The following FOXK2 variants were observed in gnomAD, a reference collection of about 807,000 sequenced individuals.
FOXK2 encodes the protein forkhead box K2.
A neutral mutation model predicts 53.3 loss-of-function variants in FOXK2; 24 were observed. That is an observed-to-expected ratio of 0.45 (90% CI 0.33 to 0.63). The LOEUF is 0.63. FOXK2 is among the 30% of genes least tolerant of loss of function. FOXK2 has a pLI of 0.03. For missense variants in FOXK2, 952 were observed against 910.5 expected (o/e 1.05, Z -0.59); for synonymous variants, 505 against 407.1 (o/e 1.24, Z -2.89).
chr17:82,572,567 T>C (rs3736207), intron 4 of FOXK2, among the ~76,000 whole-genome samples: 25,875 of 152,034 alleles, frequency 0.17, 2,761 homozygotes, highest in East Asian at 0.39. Context: ...GTAGGTTTTT[T>C]CTCTGTGTAT....
intron 1 of FOXK2, among the ~76,000 whole-genome samples, chr17:82,527,530 G>A (rs1429414416): frequency 6.6e-6 from 1 of 152,082 alleles, no homozygotes; most frequent in East Asian, 2.0e-4. Context: ...TCAGGAGGCT[G>A]AGGCAGGATA....
At position 82,595,202 on chromosome 17, in the gene FOXK2, C is replaced by G. The variant is rs113040247; in HGVS notation, c.1787-6101C>G. On this transcript the variant is annotated intron_variant, in intron 8 of 8. Coordinates refer to ENST00000335255, the MANE Select transcript of FOXK2 (RefSeq NM_004514.4). The stretch of plus-strand genomic sequence containing the variant: ...TTGCTTGTTTCTCTAAGACTTTGTA[C>G]AGCTCTGTAAACAGATTCCCATTAG... 6.0e-3 allele frequency among the ~76,000 whole-genome samples: 918 copies of G among 152,312 alleles called. 8 individuals carry two copies. Among genetic ancestry groups the G allele is most frequent in the African/African-American group, 0.02 (826 of 41,558 alleles).
intron 1 of FOXK2, among the ~76,000 whole-genome samples, chr17:82,549,020 C>T (rs188213557): frequency 2.0e-5 from 3 of 152,308 alleles, no homozygotes; most frequent in East Asian, 1.9e-4. Flanking sequence ...AGAGGACCAG[C>T]GTGATAGTTT....
chr17:82,533,669 A>G (rs28794323), intron 1 of FOXK2, among the ~76,000 whole-genome samples: 90,584 of 151,866 alleles, frequency 0.6, 27,623 homozygotes, highest in South Asian at 0.79. Flanking sequence ...ATGACATCAC[A>G]ATGGCTAGGA....
chr17:82,587,584 G>A (rs373063158), intron 8 of FOXK2: 134 of 417,078 alleles, frequency 3.2e-4, no homozygotes, highest in East Asian at 1.2e-3. Flanking sequence ...GAGCCGCCGC[G>A]TGTCTTTTCC....
At chr17:82,539,648 A>T (rs1041269538) in intron 1 of FOXK2, among the ~76,000 whole-genome samples, 12 of 144,014 alleles carry the variant, frequency 8.3e-5, no homozygotes, top group Admixed American at 2.1e-4. Context: ...ACCTTGTTTT[A>T]AAAAAAAAAA....
At chr17:82,533,950 G>A (rs917837229) in intron 1 of FOXK2, among the ~76,000 whole-genome samples, 1 of 150,980 alleles carries the variant, frequency 6.6e-6, no homozygotes, top group Non-Finnish European at 1.5e-5. Context: ...AGGGAGCCGA[G>A]ATCACACCGG....
At chr17:82,539,581 C>CT (rs1377410572) in intron 1 of FOXK2, among the ~76,000 whole-genome samples, 1 of 151,872 alleles carries the variant, frequency 6.6e-6, no homozygotes, top group African/African-American at 2.4e-5. Context: ...CCCAGGAAGT[C>CT]AAGGCTGTAG....
intron 1 of FOXK2, among the ~76,000 whole-genome samples, chr17:82,540,031 A>G (rs185571363): frequency 6.6e-6 from 1 of 152,254 alleles, no homozygotes; most frequent in African/African-American, 2.4e-5. Flanking sequence ...CTGTAATCTC[A>G]GCACTTTGGG....
intron 1 of FOXK2, among the ~76,000 whole-genome samples, chr17:82,537,671 T>TTGCCAAC (rs1485493316): frequency 6.7e-6 from 1 of 149,328 alleles, no homozygotes; most frequent in Non-Finnish European, 1.5e-5. Flanking sequence ...TTATGCCTGT[T>TTGCCAAC]TGCCAACACT....
intron 1 of FOXK2, among the ~76,000 whole-genome samples, chr17:82,551,714 G>T (rs1037246126): frequency 1.3e-5 from 2 of 152,158 alleles, no homozygotes; most frequent in Admixed American, 1.3e-4. Context: ...ATTTGAGGCT[G>T]AGGTGATAGT....
At chr17:82,572,366 A>G (rs1160054135) in intron 4 of FOXK2, among the ~76,000 whole-genome samples, 2 of 152,238 alleles carry the variant, frequency 1.3e-5, no homozygotes, top group South Asian at 4.1e-4. Context: ...GGTAAAAAAC[A>G]GATGAACGTG....
chr17:82,552,758 G>C (rs2044688543), intron 1 of FOXK2, among the ~76,000 whole-genome samples: 1 of 152,064 alleles, frequency 6.6e-6, no homozygotes. Flanking sequence ...CTGGCTGTGA[G>C]CACTTGGCTG....
At chr17:82,527,387 G>C (rs988045921) in intron 1 of FOXK2, among the ~76,000 whole-genome samples, 1 of 152,124 alleles carries the variant, frequency 6.6e-6, no homozygotes, top group African/African-American at 2.4e-5. Flanking sequence ...CCAGCACTTT[G>C]GGAAGCCGAG....
chr17:82,529,776 C>A (rs1418015255), intron 1 of FOXK2, among the ~76,000 whole-genome samples: 1 of 152,208 alleles, frequency 6.6e-6, no homozygotes, highest in East Asian at 1.9e-4. Context: ...TGAAAGGACA[C>A]TCTCGGAATG....
chr17:82,538,452 T>C (rs2044542047), intron 1 of FOXK2, among the ~76,000 whole-genome samples: 2 of 152,178 alleles, frequency 1.3e-5, no homozygotes, highest in South Asian at 4.1e-4. Flanking sequence ...GCCGCTGCGC[T>C]CCAACCTGGG....
At chr17:82,535,956 G>C (rs555416795) in intron 1 of FOXK2, among the ~76,000 whole-genome samples, 67 of 152,010 alleles carry the variant, frequency 4.4e-4, no homozygotes, top group Non-Finnish European at 8.1e-4. Context: ...TGGTCAGGCG[G>C]GTCTGGAACT....
At chr17:82,576,781 G>T (rs1311597067) in intron 4 of FOXK2, 1 of 617,318 alleles carries the variant, frequency 1.6e-6, no homozygotes, top group South Asian at 1.9e-5. Context: ...CATTTTTATG[G>T]TGCTGTAATG....
chr17:82,587,822 T>C (rs1213289410), intron 8 of FOXK2, among the ~76,000 whole-genome samples: 1 of 152,210 alleles, frequency 6.6e-6, no homozygotes, highest in Admixed American at 6.5e-5. Context: ...GAGTCCCTGC[T>C]GGCTGCCGAG....
Sources: gnomAD v4.1 joint callset for allele counts (sites outside exome capture counted in the v4.1 genomes callset) on GRCh38, gnomAD v4.1.1 for gene constraint, MANE v1.5 for transcripts, NCBI Gene and HGNC (gene_info 2026-07-23, HGNC 2026-07-21) for gene names.